TEKT5: variants seen among roughly 807,000 people sequenced by gnomAD.
TEKT5 encodes tektin 5.
Under a neutral mutation model 48.7 loss-of-function variants are expected in TEKT5, and 52 were observed. That is an observed-to-expected ratio of 1.07 (90% CI 0.86 to 1.35). TEKT5 has a LOEUF of 1.35. Ranked by LOEUF, TEKT5 falls within the 40% of genes most tolerant of loss-of-function variation. TEKT5 has a pLI of 0.00. For missense variants in TEKT5, 831 were observed against 641.6 expected, an observed-to-expected ratio of 1.30 and a Z score of -3.19; for synonymous variants, 318 against 267.6, an observed-to-expected ratio of 1.19 and a Z score of -1.84.
At chr16:10,667,916 C>G (rs1183305399) in intron 5 of TEKT5, among the ~76,000 whole-genome samples, 3 of 150,696 alleles carry the variant, frequency 2.0e-5, no homozygotes, top group Non-Finnish European at 4.4e-5. Flanking sequence ...CTCGCTCTGT[C>G]GCCCAGGCTG....
intron 1 of TEKT5, 129 bp from the exon 2 acceptor site, chr16:10,690,154 T>C (rs1898942908): frequency 2.2e-6 from 2 of 897,206 alleles, no homozygotes. Context: ...TCATGTGACC[T>C]CACTACTGGG....
chr16:10,636,417 G>C (rs1489142963), intron 5 of TEKT5, among the ~76,000 whole-genome samples: 3 of 151,770 alleles, frequency 2.0e-5, no homozygotes, highest in African/African-American at 7.3e-5. Flanking sequence ...AGCCGCTTCA[G>C]GTATCCTCTT....
intron 2 of TEKT5, 144 bp downstream of exon 2, chr16:10,689,798 C>A: frequency 1.4e-6 from 1 of 733,952 alleles, no homozygotes; most frequent in South Asian, 1.8e-5. Context: ...GCAAACTAGA[C>A]CTCCACCCAT....
At chr16:10,668,647 G>T (rs1898499862) in intron 5 of TEKT5, among the ~76,000 whole-genome samples, 1 of 152,178 alleles carries the variant, frequency 6.6e-6, no homozygotes, top group African/African-American at 2.4e-5. Flanking sequence ...TCCTGGGAAG[G>T]GGTGGTTTTG....
At position 10,659,410 on chromosome 16, in the gene TEKT5, C is replaced by T. The variant is rs563555131; in HGVS notation, c.1086+16549G>A. ...ATTTACTTATTTTGAGATGGAGCCTCGCTTTGTCACACAGGCTGGAGTGCA... is the reference window on the plus strand; with the variant it reads ...ATTTACTTATTTTGAGATGGAGCCTTGCTTTGTCACACAGGCTGGAGTGCA... On this transcript the variant is annotated intron_variant, in intron 5 of 6. Coordinates refer to ENST00000283025, the MANE Select transcript of TEKT5 (RefSeq NM_144674.2). Among the ~76,000 whole-genome samples, 55 of 152,264 alleles carry T rather than the reference C, an allele frequency of 3.6e-4. No individual in the cohort carries two copies. In the South Asian group the frequency reaches 0.01, roughly 28 times the overall value.
intron 3 of TEKT5, among the ~76,000 whole-genome samples, chr16:10,687,262 G>C (rs751083130): frequency 2.2e-4 from 33 of 152,132 alleles, no homozygotes; most frequent in Non-Finnish European, 3.8e-4. Flanking sequence ...ATGTTAATTA[G>C]TTCCAATTAG....
rs777666244 is a variant in TEKT5 at position 10,676,126 on chromosome 16, G to GA, written c.918dup (p.Gln307SerfsTer19). On this transcript the variant is annotated frameshift_variant, in exon 5 of 7. Transcript: ENST00000283025. LOFTEE classifies it high-confidence loss of function. ...TGGATGGAGTTGGCCCGCATGTTCT[G>GA]AGAGTGTTTGATGTTGTCGTTACTG... The GA allele has an allele frequency of 2.0e-5, 32 of 1,614,116 alleles. No individual in the cohort carries two copies. The highest frequency in any genetic ancestry group is 1.6e-4 in the Middle Eastern group (1 of 6,084).
At chr16:10,660,525 C>A (rs1490820768) in intron 5 of TEKT5, among the ~76,000 whole-genome samples, 2 of 152,168 alleles carry the variant, frequency 1.3e-5, no homozygotes, top group Admixed American at 1.3e-4. Flanking sequence ...CTCTGAGCCG[C>A]TATCTCCTCA....
At chr16:10,651,793 C>A (rs113951310) in intron 5 of TEKT5, among the ~76,000 whole-genome samples, 87 of 152,186 alleles carry the variant, frequency 5.7e-4, no homozygotes, top group Middle Eastern at 3.4e-3. Context: ...AACCCCGTCT[C>A]TACTAAAAAT....
In TEKT5 at chr16:10,672,268, A is replaced by C. The variant is rs555864102; in HGVS notation, c.1086+3691T>G. ...ATGCATGCTTCATTCTTTAAAAAAAAACCTCAGTACAAAACTCAACATTGC... is the reference window on the plus strand; with the variant it reads ...ATGCATGCTTCATTCTTTAAAAAAACACCTCAGTACAAAACTCAACATTGC... On this transcript the variant is annotated intron_variant, in intron 5 of 6. Transcript: ENST00000283025. 3.0e-3 allele frequency among the ~76,000 whole-genome samples: 457 copies of C among 152,220 alleles called. 3 individuals are homozygous for C. The highest frequency in any genetic ancestry group is 0.01 in the African/African-American group (432 of 41,550).
chr16:10,648,324 A>T (rs2541544), intron 5 of TEKT5, among the ~76,000 whole-genome samples: 15,884 of 147,826 alleles, frequency 0.11, 935 homozygotes, highest in African/African-American at 0.17. Flanking sequence ...TTTATTTATC[A>T]TTTTTTTTTT....
chr16:10,630,588 G>T (rs1897825197), intron 6 of TEKT5, among the ~76,000 whole-genome samples: 1 of 152,116 alleles, frequency 6.6e-6, no homozygotes, highest in Non-Finnish European at 1.5e-5. Flanking sequence ...GCAGTGCCGT[G>T]GAGTAGAACT....
chr16:10,679,018 C>T (rs1898698866), intron 4 of TEKT5, among the ~76,000 whole-genome samples: 1 of 152,158 alleles, frequency 6.6e-6, no homozygotes, highest in African/African-American at 2.4e-5. Flanking sequence ...AATCACAGCT[C>T]TGCCATTTGC....
chr16:10,651,668 A>C (rs1898161691), intron 5 of TEKT5, among the ~76,000 whole-genome samples: 1 of 152,160 alleles, frequency 6.6e-6, no homozygotes, highest in Non-Finnish European at 1.5e-5. Context: ...CGTTAAAGAC[A>C]AGGGTACACA....
chr16:10,684,168 G>A (rs941562468), intron 3 of TEKT5, among the ~76,000 whole-genome samples: 1 of 152,200 alleles, frequency 6.6e-6, no homozygotes, highest in Non-Finnish European at 1.5e-5. Flanking sequence ...GCCTTGAAGT[G>A]TTTAGAAGAA....
At chr16:10,692,103 G>A (rs143350687) in intron 1 of TEKT5, among the ~76,000 whole-genome samples, 304 of 152,266 alleles carry the variant, frequency 2.0e-3, no homozygotes, top group African/African-American at 6.9e-3. Flanking sequence ...GGCAGCCTAG[G>A]AGATAGAATT....
intron 6 of TEKT5, among the ~76,000 whole-genome samples, chr16:10,631,359 G>GGGGC (rs1362994951): frequency 8.2e-6 from 1 of 122,442 alleles, no homozygotes; most frequent in African/African-American, 3.8e-5. Flanking sequence ...GGGTGGGGGC[G>GGGGC]GGGGAGGGTT....
chr16:10,644,963 T>C (rs1200876267), intron 5 of TEKT5, among the ~76,000 whole-genome samples: 1 of 152,168 alleles, frequency 6.6e-6, no homozygotes, highest in Non-Finnish European at 1.5e-5. Context: ...TTAGTGCCTT[T>C]ATAAGAAGAG....
chr16:10,632,333 T>C (rs879093763), intron 6 of TEKT5, among the ~76,000 whole-genome samples: 13 of 152,174 alleles, frequency 8.5e-5, no homozygotes, highest in Admixed American at 6.5e-5. Context: ...GGTGTTGCAT[T>C]GTTCCCCAGG....
Sources: gnomAD v4.1 joint callset for allele counts (sites outside exome capture counted in the v4.1 genomes callset) on GRCh38, gnomAD v4.1.1 for gene constraint, MANE v1.5 for transcripts, NCBI Gene and HGNC (gene_info 2026-07-23, HGNC 2026-07-21) for gene names.